Variants in SLC39A11 observed in about 807,000 individuals in gnomAD.
The protein encoded by SLC39A11 is zinc transporter ZIP11.
Under a neutral mutation model 36.1 loss-of-function variants are expected in SLC39A11, and 33 were observed. The ratio of observed to expected loss-of-function variants is 0.91; its 90% CI spans 0.69 to 1.22. The LOEUF is 1.22. Ranked by LOEUF, SLC39A11 falls within the 50% of genes most tolerant of loss-of-function variation. The probability of loss-of-function intolerance (pLI) is 0.00; values close to 1 mark genes in which losing one functional copy is unlikely to be tolerated. For synonymous variants in SLC39A11, 166 were observed against 170.3 expected (o/e 0.97, Z 0.20); for missense variants, 432 against 430.3 (o/e 1.00, Z -0.03).
At chr17:72,887,161 A>G (rs553153752) in intron 5 of SLC39A11, among the ~76,000 whole-genome samples, 2 of 152,298 alleles carry the variant, frequency 1.3e-5, no homozygotes, top group East Asian at 3.9e-4. Flanking sequence ...GTCATCCCAG[A>G]GTTCAGGATA....
intron 5 of SLC39A11, among the ~76,000 whole-genome samples, chr17:72,861,436 C>T (rs2079975527): frequency 6.6e-6 from 1 of 151,598 alleles, no homozygotes; most frequent in Admixed American, 6.6e-5. Flanking sequence ...CCTCTCATGT[C>T]GTTTACTTAG....
chr17:72,804,564 C>T (rs2077192950), intron 6 of SLC39A11, among the ~76,000 whole-genome samples: 1 of 152,242 alleles, frequency 6.6e-6, no homozygotes, highest in African/African-American at 2.4e-5. Flanking sequence ...TTTCAAGCAA[C>T]ATACAAGCAT....
intron 4 of SLC39A11, among the ~76,000 whole-genome samples, chr17:72,992,479 C>T (rs2089242532): frequency 6.6e-6 from 1 of 152,136 alleles, no homozygotes; most frequent in Admixed American, 6.5e-5. Flanking sequence ...AATTCCTAAT[C>T]AAATAGTTTG....
chr17:72,836,397 G>T (rs1455133660), intron 6 of SLC39A11, among the ~76,000 whole-genome samples: 1 of 151,412 alleles, frequency 6.6e-6, no homozygotes, highest in South Asian at 2.1e-4. Context: ...CTGGAGTGCA[G>T]CGGCACGATC....
chr17:72,923,634 G>A (rs1313523235), intron 5 of SLC39A11, among the ~76,000 whole-genome samples: 1 of 152,188 alleles, frequency 6.6e-6, no homozygotes, highest in African/African-American at 2.4e-5. Flanking sequence ...TGCAATGAAC[G>A]AATGTGTAGC....
rs766097654 is a variant in SLC39A11, at chr17:72,947,773, T to C, written c.409A>G (p.Ser137Gly). 2.5e-6 allele frequency: 4 copies of C among 1,613,970 alleles called. No individual in the cohort carries two copies. The highest frequency in any genetic ancestry group is 3.4e-6 in the Non-Finnish European group (4 of 1,180,044). The change falls in exon 5 of 10, where the codon AGT becomes GGT. Residue 137 changes from serine to glycine, a missense_variant. By Grantham distance (56) the Ser-to-Gly change is moderately conservative. Transcript: ENST00000255559. The stretch of plus-strand genomic sequence containing the variant: ...CTACCTATCCGGATGGAAAGTTCAC[T>C]CTCAGGGAAGAGCAGCGCGGGACCC... ...PEGPALLFPE[S>G]ELSIRIDKSE...
chr17:72,738,198 C>G (rs1598509310), intron 6 of SLC39A11, among the ~76,000 whole-genome samples: 1 of 151,990 alleles, frequency 6.6e-6, no homozygotes, highest in Non-Finnish European at 1.5e-5. Flanking sequence ...TAGAGACGGG[C>G]TTTCACCGTG....
rs34317750 is a variant in SLC39A11, at chr17:73,031,658, C to T, written c.204G>A (p.Thr68=). 77 of 1,613,956 alleles carry T rather than the reference C, an allele frequency of 4.8e-5. No individual in the cohort carries two copies. Among genetic ancestry groups the T allele is most frequent in the Admixed American group, 1.2e-4 (7 of 59,996 alleles). Residue 68 remains threonine, a synonymous_variant, in exon 4 of 10, where the codon ACG becomes ACA. Transcript: ENST00000255559. ...CAAAGGCACCGAAGCCCCCAGAGGA[C>T]GTGGCCATCTCAACTGCTGGGGCCA... ...SLLAPAVEMA[T]SSGGFGAFAF...
chr17:72,754,028 A>G (rs1456997422), intron 6 of SLC39A11, among the ~76,000 whole-genome samples: 19 of 104,650 alleles, frequency 1.8e-4, no homozygotes, highest in East Asian at 5.7e-4. Flanking sequence ...ATGTATATAT[A>G]TATATATATA....
intron 4 of SLC39A11, among the ~76,000 whole-genome samples, chr17:73,006,051 C>A (rs1206031382): frequency 3.3e-5 from 5 of 152,112 alleles, no homozygotes; most frequent in Non-Finnish European, 5.9e-5. Context: ...GTGCCTGAGA[C>A]AGGACACACA....
chr17:72,742,193 A>T (rs2074737735), intron 6 of SLC39A11, among the ~76,000 whole-genome samples: 2 of 69,872 alleles, frequency 2.9e-5, no homozygotes, highest in Non-Finnish European at 6.3e-5. Flanking sequence ...ACAGTGTGAG[A>T]CTCCATCTCA....
At position 72,649,177 on chromosome 17, in the gene SLC39A11, C is replaced by G. The variant is rs1179050485; in HGVS notation, c.763G>C (p.Ala255Pro). 1.2e-6 allele frequency: 2 copies of G among 1,613,358 alleles called. No individual in the cohort carries two copies. The highest frequency in any genetic ancestry group is 1.7e-6 in the Non-Finnish European group (2 of 1,179,698). Reference protein sequence around the residue: ...LRGAGFSTWRAFWYGQLSGMV... With the variant: ...LRGAGFSTWRPFWYGQLSGMV... ...CCCTTGGGCAGCACTCACCAGAAAG[C>G]TCTCCAGGTGGAGAAGCCTGCCCCT... The change falls in exon 8 of 10, where the codon GCT becomes CCT. Residue 255 changes from alanine to proline, a missense_variant. By Grantham distance (27) the Ala-to-Pro change is conservative (BLOSUM62 -1). Transcript: ENST00000255559.
intron 5 of SLC39A11, among the ~76,000 whole-genome samples, chr17:72,867,797 C>T (rs2080386846): frequency 6.6e-6 from 1 of 152,004 alleles, no homozygotes; most frequent in African/African-American, 2.4e-5. Flanking sequence ...CACGCACACA[C>T]ACCTATGCAC....
chr17:72,972,236 C>T (rs565494901), intron 4 of SLC39A11, among the ~76,000 whole-genome samples: 5 of 152,242 alleles, frequency 3.3e-5, no homozygotes, highest in Admixed American at 6.5e-5. Context: ...TGGGTGACAG[C>T]CATCACGGCC....
At chr17:72,904,857 CA>C (rs1268570301) in intron 5 of SLC39A11, among the ~76,000 whole-genome samples, 1 of 152,180 alleles carries the variant, frequency 6.6e-6, no homozygotes, top group African/African-American at 2.4e-5. Context: ...CCAGTCCCAT[CA>C]GCAGGGATTT....
At chr17:73,045,386 T>TTA (rs1491388715) in intron 3 of SLC39A11, among the ~76,000 whole-genome samples, 21 of 41,728 alleles carry the variant, frequency 5.0e-4, no homozygotes, top group South Asian at 2.1e-3. Context: ...AAAACAGAGT[T>TTA]AAAAAAAAAA....
intron 5 of SLC39A11, among the ~76,000 whole-genome samples, chr17:72,878,807 C>T (rs1374048210): frequency 6.6e-6 from 1 of 152,200 alleles, no homozygotes; most frequent in Admixed American, 6.5e-5. Flanking sequence ...ACACTATCTA[C>T]CTGGAGGTAG....
chr17:72,814,902 G>T (rs1598847043), intron 6 of SLC39A11, among the ~76,000 whole-genome samples: 1 of 152,162 alleles, frequency 6.6e-6, no homozygotes. Context: ...AATTATAACT[G>T]TAACCTTTAG....
At chr17:72,810,595 G>C (rs2077403796) in intron 6 of SLC39A11, among the ~76,000 whole-genome samples, 1 of 152,146 alleles carries the variant, frequency 6.6e-6, no homozygotes, top group Admixed American at 6.5e-5. Context: ...GGAAATTACT[G>C]CTTAGGAAGA....
Sources: allele counts gnomAD v4.1 joint callset (sites outside exome capture counted in the v4.1 genomes callset), GRCh38; gene constraint gnomAD v4.1.1; transcripts MANE v1.5; gene names NCBI Gene and HGNC (gene_info 2026-07-23, HGNC 2026-07-21).